MVB12A: variants seen among roughly 807,000 people sequenced by gnomAD.
The protein encoded by MVB12A is CIN85/CD2AP family binding protein.
MVB12A carries 30 observed loss-of-function variants against 34.3 expected under a neutral mutation model. The ratio of observed to expected loss-of-function variants is 0.88; its 90% CI spans 0.65 to 1.19. The LOEUF (loss-of-function observed/expected upper bound fraction) is 1.19, where lower values mean the gene tolerates loss of function less well. MVB12A is among the 50% of genes most tolerant of loss of function. The pLI, the probability that MVB12A is intolerant of heterozygous loss-of-function variation, is 0.00. For missense variants in MVB12A, 355 were observed against 369.2 expected (o/e 0.96, Z 0.31); for synonymous variants, 158 against 158.9 (o/e 0.99, Z 0.04).
At chr19:17,419,918 G>C (rs1437863203), upstream of MVB12A, 2 of 394,738 alleles carry the variant, frequency 5.1e-6, no homozygotes, top group Admixed American at 9.0e-5. Flanking sequence ...GCTCACGCGC[G>C]CAACCCTGGC....
chr19:17,421,278 G>A (rs1018232949), intron 3 of MVB12A: 4 of 339,954 alleles, frequency 1.2e-5, no homozygotes, highest in South Asian at 6.8e-5. Flanking sequence ...TCCGACTCCC[G>A]GGTTCAAGCG....
intron 3 of MVB12A, chr19:17,420,884 A>G: frequency 1.5e-6 from 1 of 672,584 alleles, no homozygotes; most frequent in Non-Finnish European, 2.7e-6. Context: ...CACCTGTTTC[A>G]CTACTGTTGT....
chr19:17,411,306 A>T (rs928156704), intron 2 of MVB12A, among the ~76,000 whole-genome samples: 2 of 151,970 alleles, frequency 1.3e-5, no homozygotes, highest in African/African-American at 4.8e-5. Context: ...GCAGAAAAAA[A>T]ACAGTGAGGA....
intron 2 of MVB12A, among the ~76,000 whole-genome samples, chr19:17,410,608 A>G (rs139759654): frequency 0.16 from 19,911 of 122,336 alleles, 1,649 homozygotes; most frequent in African/African-American, 0.27. Flanking sequence ...ATATATACAC[A>G]TATATATATA....
chr19:17,410,525 T>TACACACACACACACACAC (rs1390922508), intron 2 of MVB12A, among the ~76,000 whole-genome samples: 1 of 75,166 alleles, frequency 1.3e-5, no homozygotes, highest in Non-Finnish European at 2.5e-5. Flanking sequence ...TATATATATA[T>TACACACACACACACACAC]ATATACACAC....
upstream of MVB12A, chr19:17,415,071 C>G (rs191870826): frequency 6.6e-6 from 1 of 151,806 alleles, no homozygotes; most frequent in Admixed American, 6.6e-5. Flanking sequence ...AGCCTGTAAT[C>G]CCAGTGGAGG....
chr19:17,408,589 G>A (rs975191171), intron 2 of MVB12A, among the ~76,000 whole-genome samples: 1 of 149,984 alleles, frequency 6.7e-6, no homozygotes, highest in African/African-American at 2.4e-5. Context: ...TGGGATTACA[G>A]GCGCCCACCG....
chr19:17,416,352 C>T (rs2074799505), upstream of MVB12A, among the ~76,000 whole-genome samples: 1 of 150,548 alleles, frequency 6.6e-6, no homozygotes, highest in South Asian at 2.1e-4. Flanking sequence ...CCTTGTGATC[C>T]ACCCACCTCA....
intron 2 of MVB12A, among the ~76,000 whole-genome samples, chr19:17,407,623 T>C (rs2074737403): frequency 6.6e-6 from 1 of 152,170 alleles, no homozygotes; most frequent in African/African-American, 2.4e-5. Context: ...ACTAAATGAC[T>C]ACTGCTATCT....
At chr19:17,410,127 G>T (rs572243724) in intron 2 of MVB12A, among the ~76,000 whole-genome samples, 1 of 151,744 alleles carries the variant, frequency 6.6e-6, no homozygotes, top group African/African-American at 2.4e-5. Flanking sequence ...AATTACTTTC[G>T]CAATAAAATT....
chr19:17,407,474 G>A (rs1053469343), intron 2 of MVB12A, among the ~76,000 whole-genome samples: 11 of 152,156 alleles, frequency 7.2e-5, no homozygotes, highest in South Asian at 2.1e-4. Flanking sequence ...CCAATGATAG[G>A]TAAGGTCACG....
chr19:17,405,875 T>A, intron 1 of MVB12A: 1 of 327,216 alleles, frequency 3.1e-6, no homozygotes, highest in Non-Finnish European at 5.8e-6. Flanking sequence ...TCCCTGTGCC[T>A]CTGCTGTGTG....
intron 7 of MVB12A, 41 bp from the exon 8 acceptor site, chr19:17,424,580 G>T (rs753201016): frequency 5.1e-5 from 81 of 1,600,236 alleles, no homozygotes; most frequent in South Asian, 1.4e-4. Flanking sequence ...GGGGTTTCAG[G>T]TTGAGATCGG....
At chr19:17,410,497 CATATATAT>C (rs373127253) in intron 2 of MVB12A, among the ~76,000 whole-genome samples, 25 of 77,624 alleles carry the variant, frequency 3.2e-4, no homozygotes, top group South Asian at 5.1e-4. Context: ...GTTTTAGCTT[CATATATAT>C]ATATATATAT....
rs1388013163 is a variant in MVB12A at position 17,410,575 on chromosome 19, T to TATAC, written c.-5+4280_-5+4281insTACA. 1.9e-3 allele frequency among the ~76,000 whole-genome samples: 227 copies of TATAC among 120,734 alleles called. 4 individuals are homozygous for TATAC. The highest frequency in any genetic ancestry group is 9.0e-3 in the African/African-American group (215 of 23,934). 79.2% of individuals were successfully genotyped at this position (120,734 alleles called of 152,430 possible). A position where few individuals can be genotyped will look rare whatever the true frequency, so the allele number is the denominator to read the frequency against. On this transcript the variant is annotated intron_variant, in intron 2 of 6. Coordinates refer to the MVB12A transcript ENST00000528604. Reference sequence around the variant, plus strand: ...ACACACACATATATATACATATATATACATATATATATACACACATATATA... The same window carrying TATAC: ...ACACACACATATATATACATATATATATACACATATATATATACACACATATATA...
chr19:17,422,313 C>T lies in MVB12A; in HGVS notation c.287-19C>T, dbSNP rs1238284905. The T allele has an allele frequency of 1.2e-6, 2 of 1,605,292 alleles. No individual in the cohort carries two copies. Among genetic ancestry groups the T allele is most frequent in the South Asian group, 2.2e-5 (2 of 90,028 alleles). On this transcript the variant is annotated intron_variant, in intron 3 of 8. Coordinates refer to ENST00000317040, the MANE Select transcript of MVB12A (RefSeq NM_138401.4). Reference sequence around the variant, plus strand: ...CCTGCCTGGCTTCCCTCTCTCACTCCCCTACCCCCCACTCCCAGAGGCCTC... The same window carrying T: ...CCTGCCTGGCTTCCCTCTCTCACTCTCCTACCCCCCACTCCCAGAGGCCTC...
chr19:17,423,672 C>T (rs765286539), intron 5 of MVB12A, 21 bp from the exon 6 acceptor site: 106 of 1,613,540 alleles, frequency 6.6e-5, no homozygotes, highest in Non-Finnish European at 8.5e-5. Flanking sequence ...TGAGGCTTAA[C>T]CTGAGTCATC....
chr19:17,416,921 G>A (rs1414756306), upstream of MVB12A: 6 of 172,560 alleles, frequency 3.5e-5, no homozygotes, highest in East Asian at 1.6e-4. Context: ...GGCTGGTTTC[G>A]AACTCCTGAC....
In MVB12A at chr19:17,420,070, G is replaced by C; in HGVS notation, c.-66G>C. 1 of 1,081,734 alleles carries C rather than the reference G, an allele frequency of 9.2e-7. No homozygotes were observed. The highest frequency in any genetic ancestry group is 1.2e-6 in the Non-Finnish European group (1 of 850,726). 67.0% of individuals were successfully genotyped at this position (1,081,734 alleles called of 1,614,324 possible). On this transcript the variant is annotated 5_prime_UTR_variant, in exon 1 of 9. Transcript: ENST00000317040. The stretch of plus-strand genomic sequence containing the variant: ...TTGTAGTTCGGTCGCGAGCGCTGCC[G>C]TCGGGAGGCGCTCCGAGGTTCGAGG...
Sources: allele counts gnomAD v4.1 joint callset (sites outside exome capture counted in the v4.1 genomes callset), GRCh38; gene constraint gnomAD v4.1.1; transcripts MANE v1.5; gene names NCBI Gene and HGNC (gene_info 2026-07-23, HGNC 2026-07-21).